TRANK1: variants seen among roughly 807,000 people sequenced by gnomAD.
TRANK1 encodes tetratricopeptide repeat and ankyrin repeat containing 1, also known as TPR and ankyrin repeat-containing protein 1.
A neutral mutation model predicts 266.0 loss-of-function variants in TRANK1; 198 were observed. The ratio of observed to expected loss-of-function variants is 0.74; its 90% CI spans 0.66 to 0.84. The LOEUF is 0.84. Ranked by LOEUF, TRANK1 falls within the 40% of genes least tolerant of loss-of-function variation. The pLI, the probability that TRANK1 is intolerant of heterozygous loss-of-function variation, is 0.00. For synonymous variants in TRANK1, 1,396 were observed against 1,384.1 expected (o/e 1.01, Z -0.19); for missense variants, 3,326 against 3,634.6 (o/e 0.92, Z 2.18).
intron 20 of TRANK1, among the ~76,000 whole-genome samples, chr3:36,836,699 T>C (rs2078775149): frequency 6.6e-6 from 1 of 152,232 alleles, no homozygotes; most frequent in Non-Finnish European, 1.5e-5. Context: ...GAGACTCTTC[T>C]TCCTATCACA....
intron 9 of TRANK1, among the ~76,000 whole-genome samples, chr3:36,873,407 ATTAAACTGAGATGC>A (rs1353154353): frequency 6.6e-6 from 1 of 152,224 alleles, no homozygotes; most frequent in Non-Finnish European, 1.5e-5. Flanking sequence ...TACATGTTTC[ATTAAACTGAGATGC>A]TTAAAGAGTA....
intron 18 of TRANK1, among the ~76,000 whole-genome samples, chr3:36,839,059 A>G (rs1461118047): frequency 6.6e-6 from 1 of 152,246 alleles, no homozygotes; most frequent in Non-Finnish European, 1.5e-5. Context: ...ACTTCAGGTC[A>G]GAGCCATGGA....
chr3:36,831,960 GA>G lies in TRANK1; in HGVS notation c.7622del (p.Phe2541SerfsTer11). ...CACTGAAGGCATCAAGCAGGACGTT[GA>G]AGTTCACATTCTCATAGCCACATAG... is the stretch of plus-strand genomic sequence containing the variant. ...KVLCGYENVN[F>X]NVLLDAFSEI... is the part of the protein sequence containing the mutation. On this transcript the variant is annotated frameshift_variant, in exon 22 of 24. Coordinates refer to ENST00000645898, the MANE Select transcript of TRANK1 (RefSeq NM_001329998.2). LOFTEE classifies it high-confidence loss of function. The surrounding 1 kb of genome is among the most constrained non-coding windows in gnomAD (Gnocchi z 5.0). The G allele has an allele frequency of 1.2e-6, 2 of 1,614,054 alleles. No individual in the cohort carries two copies. Among genetic ancestry groups the G allele is most frequent in the African/African-American group, 1.3e-5 (1 of 75,056 alleles).
At chr3:36,944,027 G>C (rs938514240) in intron 1 of TRANK1, among the ~76,000 whole-genome samples, 3 of 152,140 alleles carry the variant, frequency 2.0e-5, no homozygotes, top group Non-Finnish European at 4.4e-5. Flanking sequence ...ATCTCAGCCG[G>C]GTTGCAAGTG....
intron 1 of TRANK1, among the ~76,000 whole-genome samples, chr3:36,930,295 G>A (rs9870219): frequency 0.028 from 4,247 of 152,172 alleles, 202 homozygotes; most frequent in African/African-American, 0.097. Flanking sequence ...CCCAGCTGAC[G>A]GTAAGAAAAT....
At chr3:36,929,419 T>C (rs2080331729) in intron 1 of TRANK1, 1 of 152,130 alleles carries the variant, frequency 6.6e-6, no homozygotes, top group South Asian at 2.1e-4. Flanking sequence ...ACCGGGCCTA[T>C]AAAACATTAA....
At position 36,858,835 on chromosome 3, in the gene TRANK1, C is replaced by T. The variant is rs2079094766; in HGVS notation, c.1555G>A (p.Glu519Lys). Residue 519 changes from glutamate (E) to lysine (K), a missense_variant, in exon 12 of 24, where the codon GAG becomes AAG. Transcript: ENST00000645898. ...ERPVVTCLKH[E>K]DFELAFLLLT... ...AGAAGGAAAGCCAACTCGAAGTCCTCATGTTTCAGGCACGTGACAACTGGC... is the reference window on the plus strand; with the variant it reads ...AGAAGGAAAGCCAACTCGAAGTCCTTATGTTTCAGGCACGTGACAACTGGC... 1.3e-6 allele frequency: 2 copies of T among 1,537,296 alleles called. No individual in the cohort carries two copies. The highest frequency in any genetic ancestry group is 1.7e-6 in the Non-Finnish European group (2 of 1,146,894).
In TRANK1 at chr3:36,879,860, A is replaced by G. The variant is rs1022549548; in HGVS notation, c.908-5564T>C. 3.4e-4 allele frequency among the ~76,000 whole-genome samples: 37 copies of G among 108,388 alleles called. 2 individuals carry two copies. In the East Asian group the frequency reaches 5.7e-3, roughly 17 times the overall value. 71.1% of individuals were successfully genotyped at this position (108,388 alleles called of 152,430 possible). On this transcript the variant is annotated intron_variant, in intron 8 of 23. Coordinates refer to ENST00000645898, the MANE Select transcript of TRANK1 (RefSeq NM_001329998.2). Reference sequence around the variant, plus strand: ...TATACAAATATATGTAAATATACAAATATATGTAAACATACAAATATATGT... The same window carrying G: ...TATACAAATATATGTAAATATACAAGTATATGTAAACATACAAATATATGT...
intron 9 of TRANK1, among the ~76,000 whole-genome samples, chr3:36,867,668 A>G (rs2079245341): frequency 6.6e-6 from 1 of 152,254 alleles, no homozygotes; most frequent in Admixed American, 6.5e-5. Context: ...GAGTTTTTTA[A>G]AAGATGACTA....
intron 1 of TRANK1, among the ~76,000 whole-genome samples, chr3:36,921,253 G>A (rs2080209328): frequency 6.6e-6 from 1 of 152,148 alleles, no homozygotes; most frequent in Admixed American, 6.6e-5. Context: ...CTAGCCAATA[G>A]GGAAACAACA....
chr3:36,861,292 T>C (rs1332521498), intron 10 of TRANK1, 132 bp from the exon 11 acceptor site: 2 of 1,143,342 alleles, frequency 1.7e-6, no homozygotes, highest in East Asian at 2.6e-5. Flanking sequence ...TTGGGCCATG[T>C]TGCTTAACCA....
intron 21 of TRANK1, 145 bp from the exon 22 acceptor site, chr3:36,834,064 T>C: frequency 1.3e-6 from 1 of 794,234 alleles, no homozygotes; most frequent in South Asian, 2.2e-5. Context: ...AGCATTCAAG[T>C]ATTTTTACAA....
intron 1 of TRANK1, among the ~76,000 whole-genome samples, chr3:36,943,914 T>C (rs1248802145): frequency 1.3e-5 from 2 of 152,054 alleles, no homozygotes; most frequent in Non-Finnish European, 2.9e-5. Flanking sequence ...AATTGCACAC[T>C]TCCATAAAAA....
At chr3:36,873,163 G>A (rs1037157485) in intron 9 of TRANK1, among the ~76,000 whole-genome samples, 3 of 152,178 alleles carry the variant, frequency 2.0e-5, no homozygotes, top group Non-Finnish European at 1.5e-5. Context: ...AGGCAGGGGG[G>A]AGTGTAACTT....
intron 8 of TRANK1, among the ~76,000 whole-genome samples, chr3:36,878,066 A>C (rs1054877538): frequency 6.6e-6 from 1 of 151,796 alleles, no homozygotes. Context: ...GTGGCCTGTT[A>C]GGAAGCGGGC....
rs761072860 is a variant in TRANK1 at position 36,833,373 on chromosome 3, G to A, written c.6210C>T (p.Ala2070=). The A allele has an allele frequency of 9.3e-6, 15 of 1,613,792 alleles. No individual in the cohort carries two copies. In the Middle Eastern group the frequency reaches 4.9e-4, roughly 53 times the overall value. Residue 2070 remains alanine, a synonymous_variant, in exon 22 of 24, where the codon GCC becomes GCT. Transcript: ENST00000645898. ...AGVVEALYEA[A]SQCEAEPEKI... ...TCTCAGGCTCGGCCTCACACTGGCTGGCTGCTTCGTAGAGTGCTTCCACCA... is the reference window on the plus strand; with the variant it reads ...TCTCAGGCTCGGCCTCACACTGGCTAGCTGCTTCGTAGAGTGCTTCCACCA...
chr3:36,877,974 G>A (rs1303598401), intron 8 of TRANK1, among the ~76,000 whole-genome samples: 1 of 152,178 alleles, frequency 6.6e-6, no homozygotes, highest in East Asian at 1.9e-4. Flanking sequence ...AAGCCTACAT[G>A]TAAGGAATAA....
At position 36,856,645 on chromosome 3, in the gene TRANK1, A is replaced by T; in HGVS notation, c.3077T>A (p.Ile1026Asn). ...GGTGCTGAAGCTGTGGAACTTCATG[A>T]TGTTATATTCTGTCTCCACTGCACT... ...PASAVETEYN[I>N]MKFHSFSTNM... The change falls in exon 13 of 24, where the codon ATC becomes AAC. Residue 1026 changes from isoleucine (I) to asparagine (N), a missense_variant. Physicochemically the swap from Ile to Asn is moderately radical, Grantham distance 149. Transcript: ENST00000645898. 1 of 1,613,976 alleles carries T rather than the reference A, an allele frequency of 6.2e-7. No homozygotes were observed. Among genetic ancestry groups the T allele is most frequent in the Non-Finnish European group, 8.5e-7 (1 of 1,179,884 alleles).
intron 1 of TRANK1, among the ~76,000 whole-genome samples, chr3:36,926,995 C>T (rs1032853682): frequency 2.0e-5 from 3 of 152,148 alleles, no homozygotes; most frequent in Admixed American, 1.3e-4. Context: ...TCTTGTTTTG[C>T]GTCTTCTAGA....
Sources: allele counts gnomAD v4.1 joint callset (sites outside exome capture counted in the v4.1 genomes callset), GRCh38; gene constraint gnomAD v4.1.1; non-coding constraint Gnocchi (gnomAD v3.1); transcripts MANE v1.5; gene names NCBI Gene and HGNC (gene_info 2026-07-23, HGNC 2026-07-21).